Variants in EXOSC9 observed in about 807,000 individuals in gnomAD.
EXOSC9 encodes the protein exosome complex component RRP45.
Under a neutral mutation model 56.5 loss-of-function variants are expected in EXOSC9, and 38 were observed. The ratio of observed to expected loss-of-function variants is 0.67; its 90% CI spans 0.52 to 0.88. The LOEUF is 0.88. Among genes scored for constraint, EXOSC9 ranks in the 40% least tolerant of loss-of-function variants. EXOSC9 has a pLI of 0.00. For synonymous variants in EXOSC9, 170 were observed against 170.8 expected (o/e 0.99, Z 0.04); for missense variants, 559 against 530.5 (o/e 1.05, Z -0.53).
intron 5 of EXOSC9, among the ~76,000 whole-genome samples, chr4:121,807,227 T>C (rs1262307878): frequency 6.6e-6 from 1 of 152,002 alleles, no homozygotes; most frequent in Non-Finnish European, 1.5e-5. Context: ...GAGGCGGAGG[T>C]TGCCGGGAGC....
intron 6 of EXOSC9, 189 bp downstream of exon 6, chr4:121,807,811 T>C (rs957008960): frequency 1.7e-6 from 1 of 596,112 alleles, no homozygotes. Context: ...AAAACTCTTA[T>C]ACTTTGATGA....
rs545743091 is a variant in EXOSC9 at position 121,811,720 on chromosome 4, A to G, written c.827+49A>G. 2.5e-5 allele frequency: 23 copies of G among 917,978 alleles called. No individual in the cohort carries two copies. In the South Asian group the frequency reaches 4.3e-4, roughly 17 times the overall value. 56.9% of individuals were successfully genotyped at this position (917,978 alleles called of 1,614,324 possible). A position where few individuals can be genotyped will look rare whatever the true frequency, so the allele number is the denominator to read the frequency against. Reference sequence around the variant, plus strand: ...GTGGTCTTTTATTTTCATTTTTTAAATTTTTATTATTTTTTTTAGTATAAG... The same window carrying G: ...GTGGTCTTTTATTTTCATTTTTTAAGTTTTTATTATTTTTTTTAGTATAAG... On this transcript the variant is annotated intron_variant, in intron 8 of 11. Coordinates refer to ENST00000243498, the MANE Select transcript of EXOSC9 (RefSeq NM_005033.3).
At position 121,807,489 on chromosome 4, in the gene EXOSC9, G is replaced by T. The variant is rs573778173; in HGVS notation, c.523-51G>T. 296 of 1,084,114 alleles carry T rather than the reference G, an allele frequency of 2.7e-4. 5 individuals carry two copies. In the South Asian group the frequency reaches 4.2e-3, roughly 16 times the overall value. 67.2% of individuals were successfully genotyped at this position (1,084,114 alleles called of 1,614,324 possible). A position where few individuals can be genotyped will look rare whatever the true frequency, so the allele number is the denominator to read the frequency against. On this transcript the variant is annotated intron_variant, in intron 5 of 11. Transcript: ENST00000243498. The stretch of plus-strand genomic sequence containing the variant: ...TTTGATGTGCAAGATGATTTTTTTG[G>T]ATGTTCATAACTTAGTGACTATAAT...
chr4:121,809,356 AT>A (rs1727138574), intron 6 of EXOSC9, among the ~76,000 whole-genome samples: 1 of 152,100 alleles, frequency 6.6e-6, no homozygotes, highest in African/African-American at 2.4e-5. Flanking sequence ...TATATTTTTA[AT>A]TAATATATTT....
Position 121,807,849 on chromosome 4 carries a change from T to C in EXOSC9, c.605+227T>C. On this transcript the variant is annotated intron_variant, in intron 6 of 11. Transcript: ENST00000243498. ...ATACTTCCCAACATTTTTCTTTTCA[T>C]GGGATACTTATAAACTTAGGAATTT... 7.0e-6 allele frequency: 4 copies of C among 572,932 alleles called. No individual in the cohort carries two copies. In the South Asian group the frequency reaches 8.9e-5, roughly 13 times the overall value. 35.5% of individuals were successfully genotyped at this position (572,932 alleles called of 1,614,324 possible). A position where few individuals can be genotyped will look rare whatever the true frequency, so the allele number is the denominator to read the frequency against.
chr4:121,813,136 C>T (rs1724311632), intron 8 of EXOSC9, 98 bp from the exon 9 acceptor site: 3 of 1,154,754 alleles, frequency 2.6e-6, no homozygotes, highest in Admixed American at 2.4e-5. Context: ...TTTTCATCCA[C>T]CAAAGGATAA....
intron 8 of EXOSC9, 106 bp from the exon 9 acceptor site, chr4:121,813,128 T>C: frequency 9.4e-7 from 1 of 1,060,700 alleles, no homozygotes; most frequent in East Asian, 2.5e-5. Flanking sequence ...TCCAATATTT[T>C]TCATCCACCA....
chr4:121,813,220 A>C lies in EXOSC9; in HGVS notation c.828-14A>C, dbSNP rs200669257. On this transcript the variant is annotated splice_polypyrimidine_tract_variant and intron_variant, in intron 8 of 11. Transcript: ENST00000243498. ...CTCCCCCTTCCTTCCCACCAAAAAA[A>C]CCCCCACATACAGGAAAGAAGGTGG... The C allele has an allele frequency of 4.0e-5, 63 of 1,589,328 alleles. No homozygotes were observed. The East Asian group carries it at 1.2e-3, about 29-fold the overall frequency.
intron 4 of EXOSC9, among the ~76,000 whole-genome samples, chr4:121,803,346 T>TC (rs756777557): frequency 6.6e-6 from 1 of 152,138 alleles, no homozygotes; most frequent in Non-Finnish European, 1.5e-5. Context: ...ATATAATCTC[T>TC]CATTTTCTAC....
At chr4:121,812,144 C>T (rs941559622) in intron 8 of EXOSC9, among the ~76,000 whole-genome samples, 1 of 152,280 alleles carries the variant, frequency 6.6e-6, no homozygotes, top group South Asian at 2.1e-4. Flanking sequence ...TGGCATCAAA[C>T]CCACTTATTG....
chr4:121,815,036 A>G (rs1198868842), intron 10 of EXOSC9: 1 of 152,252 alleles, frequency 6.6e-6, no homozygotes, highest in Admixed American at 6.5e-5. Flanking sequence ...ATTATTGCTT[A>G]TGAACATTAC....
chr4:121,801,471 G>T lies in EXOSC9; in HGVS notation c.47G>T (p.Arg16Leu). The T allele has an allele frequency of 1.2e-6, 2 of 1,614,200 alleles. No homozygotes were observed. Among genetic ancestry groups the T allele is most frequent in the Admixed American group, 1.7e-5 (1 of 60,014 alleles). Residue 16 changes from arginine to leucine, a missense_variant, in exon 1 of 12, where the codon CGT becomes CTT. Coordinates refer to ENST00000243498, the MANE Select transcript of EXOSC9 (RefSeq NM_005033.3). The stretch of plus-strand genomic sequence containing the variant: ...AACTGCGAACGCCGCTTCCTACTCC[G>T]TGCCATCGAAGAGAAGAAGGTATGG... Reference protein sequence around the residue: ...LSNCERRFLLRAIEEKKRLDG... With the variant: ...LSNCERRFLLLAIEEKKRLDG...
At chr4:121,808,766 C>T (rs1003640171) in intron 6 of EXOSC9, among the ~76,000 whole-genome samples, 1 of 151,698 alleles carries the variant, frequency 6.6e-6, no homozygotes, top group Non-Finnish European at 1.5e-5. Context: ...CAGCCTCAAC[C>T]TCTCAGGCTC....
At chr4:121,815,874 T>C (rs1724478426) in intron 10 of EXOSC9, 1 of 1,137,766 alleles carries the variant, frequency 8.8e-7, no homozygotes. Flanking sequence ...TTCAAGCACC[T>C]GTAGGAAATA....
intron 10 of EXOSC9, 158 bp downstream of exon 10, chr4:121,814,205 T>A: frequency 8.3e-6 from 4 of 484,554 alleles, no homozygotes; most frequent in Non-Finnish European, 1.5e-5. Flanking sequence ...AGTGGATAAA[T>A]AACATACAGG....
intron 8 of EXOSC9, 40 bp downstream of exon 8, chr4:121,811,711 A>G (rs1219446821): frequency 6.1e-6 from 6 of 982,740 alleles, no homozygotes; most frequent in Non-Finnish European, 8.9e-6. Context: ...TTTTATTTTC[A>G]TTTTTTAAAT....
At chr4:121,805,683 TATTG>T (rs1726997303) in intron 5 of EXOSC9, among the ~76,000 whole-genome samples, 1 of 152,224 alleles carries the variant, frequency 6.6e-6, no homozygotes, top group Admixed American at 6.5e-5. Context: ...ACTGTGGTGT[TATTG>T]CTAGTGGGAA....
intron 8 of EXOSC9, among the ~76,000 whole-genome samples, chr4:121,812,077 G>A (rs552514118): frequency 1.2e-4 from 18 of 152,292 alleles, no homozygotes; most frequent in Non-Finnish European, 2.2e-4. Context: ...TTTTTACTTT[G>A]TGTGGGAGCT....
chr4:121,809,988 C>G lies in EXOSC9; in HGVS notation c.627C>G (p.Pro209=). 6.2e-7 allele frequency: 1 copy of G among 1,614,028 alleles called. No homozygotes were observed. Among genetic ancestry groups the G allele is most frequent in the African/African-American group, 1.3e-5 (1 of 75,008 alleles). Residue 209 remains proline, a synonymous_variant, in exon 7 of 12, where the codon CCC becomes CCG. Coordinates refer to ENST00000243498, the MANE Select transcript of EXOSC9 (RefSeq NM_005033.3). ...FQQGTYLLVD[P]NEREERVMDG... is the part of the protein sequence containing the mutation. ...TCAGAACATATTTATTGGTGGATCC[C>G]AATGAACGAGAAGAACGTGTGATGG...
Sources: allele counts gnomAD v4.1 joint callset (sites outside exome capture counted in the v4.1 genomes callset), GRCh38; gene constraint gnomAD v4.1.1; transcripts MANE v1.5; gene names NCBI Gene and HGNC (gene_info 2026-07-23, HGNC 2026-07-21).